C2CD5: variants seen among roughly 807,000 people sequenced by gnomAD.
The protein encoded by C2CD5 is C2 domain-containing protein 5.
C2CD5 carries 109 observed loss-of-function variants against 130.3 expected under a neutral mutation model. That is an observed-to-expected ratio of 0.84 (90% CI 0.72 to 0.98). C2CD5 has a LOEUF of 0.98. C2CD5 is among the 50% of genes least tolerant of loss of function. The pLI, the probability that C2CD5 is intolerant of heterozygous loss-of-function variation, is 0.00. For synonymous variants in C2CD5, 454 were observed against 429.2 expected (o/e 1.06, Z -0.71); for missense variants, 996 against 1,261.8 (o/e 0.79, Z 3.19).
chr12:22,495,781 C>G (rs1946937155), intron 10 of C2CD5, among the ~76,000 whole-genome samples: 2 of 152,026 alleles, frequency 1.3e-5, no homozygotes, highest in African/African-American at 2.4e-5. Flanking sequence ...CAGAAAACTT[C>G]TTAAATTTGG....
intron 23 of C2CD5, among the ~76,000 whole-genome samples, chr12:22,459,077 C>G (rs1940569060): frequency 6.6e-6 from 1 of 152,058 alleles, no homozygotes. Context: ...AAAGTATCTT[C>G]TTTCTACAAT....
chr12:22,542,887 A>G (rs571913885), intron 2 of C2CD5, among the ~76,000 whole-genome samples: 4 of 152,362 alleles, frequency 2.6e-5, no homozygotes, highest in Middle Eastern at 3.4e-3. Context: ...CAATTATTAA[A>G]TTCAACACGT....
At chr12:22,499,986 G>A (rs948932959) in intron 10 of C2CD5, among the ~76,000 whole-genome samples, 2 of 152,068 alleles carry the variant, frequency 1.3e-5, no homozygotes, top group African/African-American at 2.4e-5. Flanking sequence ...TCAGAAGTTC[G>A]AGATCAGCCT....
Position 22,535,270 on chromosome 12 carries a change from C to G in C2CD5, c.165G>C (p.Trp55Cys). 1 of 1,599,114 alleles carries G rather than the reference C, an allele frequency of 6.3e-7. No individual in the cohort carries two copies. Among genetic ancestry groups the G allele is most frequent in the Non-Finnish European group, 8.6e-7 (1 of 1,167,846 alleles). Residue 55 changes from tryptophan (W) to cysteine (C), a missense_variant, in exon 3 of 27, where the codon TGG becomes TGC. Transcript: ENST00000446597. ...TTTAAAAACTTACCTCAAATTTAAA[C>G]CACTCCGAGTTCCACTGAGGGTTGA... ...KSLNPQWNSE[W>C]FKFEVDDEDL...
intron 2 of C2CD5, among the ~76,000 whole-genome samples, chr12:22,538,713 A>T (rs1952060519): frequency 6.6e-6 from 1 of 152,210 alleles, no homozygotes. Flanking sequence ...AATTCATTCA[A>T]TTGAAATACA....
At chr12:22,462,106 C>T (rs893562583) in intron 22 of C2CD5, among the ~76,000 whole-genome samples, 1 of 152,180 alleles carries the variant, frequency 6.6e-6, no homozygotes, top group Non-Finnish European at 1.5e-5. Flanking sequence ...GGCTCACTGA[C>T]CAACTGGGAG....
chr12:22,460,170 C>A (rs1238030783), intron 22 of C2CD5, among the ~76,000 whole-genome samples: 1 of 152,186 alleles, frequency 6.6e-6, no homozygotes, highest in Non-Finnish European at 1.5e-5. Flanking sequence ...CTGACAGTAG[C>A]ATCCAGAATT....
intron 16 of C2CD5, 80 bp downstream of exon 16, chr12:22,474,671 T>C: frequency 1.0e-6 from 1 of 974,762 alleles, no homozygotes; most frequent in Non-Finnish European, 1.5e-6. Flanking sequence ...GATATAAAAG[T>C]ATCATATTAA....
chr12:22,473,747 C>T (rs1160576274), intron 16 of C2CD5, among the ~76,000 whole-genome samples: 1 of 152,094 alleles, frequency 6.6e-6, no homozygotes, highest in Non-Finnish European at 1.5e-5. Flanking sequence ...GGTAGGGGCC[C>T]AAGAATTTGC....
intron 8 of C2CD5, among the ~76,000 whole-genome samples, chr12:22,516,373 TAATA>T (rs989916418): frequency 6.6e-6 from 1 of 151,720 alleles, no homozygotes; most frequent in African/African-American, 2.4e-5. Context: ...ACTATTGAAG[TAATA>T]AATAATTTTA....
rs775231575 is a variant in C2CD5 at position 22,512,722 on chromosome 12, G to A, written c.1038+572C>T. Reference sequence around the variant, plus strand: ...TTTAAAAAAAAAAAAGAGAGAGAGAGAAATCATCCAAAAACTGTAACTGCT... The same window carrying A: ...TTTAAAAAAAAAAAAGAGAGAGAGAAAAATCATCCAAAAACTGTAACTGCT... On this transcript the variant is annotated intron_variant, in intron 9 of 26. Transcript: ENST00000446597. 11 of 1,374,264 alleles carry A rather than the reference G, an allele frequency of 8.0e-6. No homozygotes were observed. The Admixed American group carries it at 1.8e-4, about 23-fold the overall frequency. The allele number at this position is 1,374,264 out of a possible 1,614,324, so 85.1% of individuals were successfully genotyped here.
At chr12:22,481,406 G>C (rs1052657474) in intron 14 of C2CD5, among the ~76,000 whole-genome samples, 9 of 152,094 alleles carry the variant, frequency 5.9e-5, no homozygotes. Flanking sequence ...CAAAATGCTG[G>C]TTAGCAAAGT....
At chr12:22,483,486 G>A (rs772711382) in intron 13 of C2CD5, among the ~76,000 whole-genome samples, 21 of 152,174 alleles carry the variant, frequency 1.4e-4, no homozygotes, top group Non-Finnish European at 2.6e-4. Context: ...GTACTTCAAT[G>A]TGCTGTAAAG....
intron 22 of C2CD5, among the ~76,000 whole-genome samples, chr12:22,463,202 T>A (rs1293849022): frequency 6.6e-6 from 1 of 151,506 alleles, no homozygotes; most frequent in Non-Finnish European, 1.5e-5. Context: ...GCCTGACCAA[T>A]ATGGTGAAAC....
chr12:22,477,211 A>T (rs1342356193), intron 15 of C2CD5: 2 of 152,184 alleles, frequency 1.3e-5, no homozygotes, highest in African/African-American at 2.4e-5. Context: ...CATATTTTAC[A>T]CTACTTTTTC....
chr12:22,488,522 G>GA, intron 12 of C2CD5, among the ~76,000 whole-genome samples: 1 of 151,404 alleles, frequency 6.6e-6, no homozygotes, highest in South Asian at 2.1e-4. Context: ...CCACAATACA[G>GA]AAAAAAACCA....
chr12:22,543,420 G>A (rs1251900782), intron 2 of C2CD5, among the ~76,000 whole-genome samples: 1 of 152,210 alleles, frequency 6.6e-6, no homozygotes, highest in Non-Finnish European at 1.5e-5. Context: ...AGACCTACCA[G>A]CCTATACAAG....
chr12:22,481,215 C>T (rs1944660832), intron 14 of C2CD5, among the ~76,000 whole-genome samples: 1 of 152,190 alleles, frequency 6.6e-6, no homozygotes, highest in South Asian at 2.1e-4. Context: ...TTATCCTCTA[C>T]ATACAAAACT....
intron 22 of C2CD5, chr12:22,460,685 C>A (rs1179149148): frequency 6.6e-6 from 1 of 152,140 alleles, no homozygotes; most frequent in Non-Finnish European, 1.5e-5. Context: ...TCAAGTGATT[C>A]TCCTGCCTCA....
Sources: allele counts gnomAD v4.1 joint callset (sites outside exome capture counted in the v4.1 genomes callset), GRCh38; gene constraint gnomAD v4.1.1; transcripts MANE v1.5; gene names NCBI Gene and HGNC (gene_info 2026-07-23, HGNC 2026-07-21).